TYR: variants seen among roughly 807,000 people sequenced by gnomAD.
The protein encoded by TYR is LB24-AB.
In TYR, 58 loss-of-function variants were observed where a neutral mutation model predicts 51.5. The observed-to-expected ratio is 1.13, with a 90% CI of 0.91 to 1.40. TYR has a LOEUF of 1.40. TYR is among the 40% of genes most tolerant of loss of function. The probability of loss-of-function intolerance (pLI) is 0.00; values close to 1 mark genes in which losing one functional copy is unlikely to be tolerated. For missense variants in TYR, 732 were observed against 647.4 expected (o/e 1.13, Z -1.42); for synonymous variants, 263 against 235.2 (o/e 1.12, Z -1.08).
intron 2 of TYR, chr11:89,191,873 G>A (rs761720675): frequency 2.9e-5 from 9 of 307,108 alleles, no homozygotes; most frequent in Non-Finnish European, 5.6e-5. Flanking sequence ...GGTGAGTAAA[G>A]TCAGTTTTTT....
intron 3 of TYR, among the ~76,000 whole-genome samples, chr11:89,232,944 G>A (rs998991826): frequency 7.0e-6 from 1 of 142,832 alleles, no homozygotes. Flanking sequence ...GAAAGCTGGG[G>A]TGGCTGGAGC....
chr11:89,269,514 A>C (rs928300796), intron 3 of TYR, among the ~76,000 whole-genome samples: 2 of 151,914 alleles, frequency 1.3e-5, no homozygotes, highest in Admixed American at 6.6e-5. Flanking sequence ...TCTTTCTTAA[A>C]CTTTTAATTA....
At chr11:89,189,044 T>G (rs183699376) in intron 1 of TYR, among the ~76,000 whole-genome samples, 41 of 152,220 alleles carry the variant, frequency 2.7e-4, no homozygotes, top group African/African-American at 9.9e-4. Flanking sequence ...GATACAGGAC[T>G]AGAACTCTCT....
chr11:89,227,187 G>T (rs1943987291), intron 2 of TYR, among the ~76,000 whole-genome samples: 1 of 152,038 alleles, frequency 6.6e-6, no homozygotes, highest in African/African-American at 2.4e-5. Flanking sequence ...TCAACATTTA[G>T]AAAATAATTG....
At chr11:89,191,961 T>A in intron 2 of TYR, 1 of 429,502 alleles carries the variant, frequency 2.3e-6, no homozygotes, top group Non-Finnish European at 4.6e-6. Context: ...TGTGGACTGA[T>A]ACTATTTTCC....
chr11:89,246,379 A>G (rs1238590004), intron 3 of TYR, among the ~76,000 whole-genome samples: 2 of 152,220 alleles, frequency 1.3e-5, no homozygotes, highest in Non-Finnish European at 2.9e-5. Flanking sequence ...ACCTGAGTTC[A>G]TACTTTATAA....
At chr11:89,242,820 T>C (rs367816627) in intron 3 of TYR, among the ~76,000 whole-genome samples, 23 of 152,296 alleles carry the variant, frequency 1.5e-4, no homozygotes, top group Middle Eastern at 3.4e-3. Context: ...ACTCAGAAGT[T>C]ATAGAAATCA....
intron 2 of TYR, among the ~76,000 whole-genome samples, chr11:89,207,407 C>A (rs1654266739): frequency 6.6e-6 from 1 of 152,010 alleles, no homozygotes; most frequent in African/African-American, 2.4e-5. Context: ...GCAAACTATA[C>A]CACTCACCCA....
chr11:89,241,828 C>T (rs1187875985), intron 3 of TYR, among the ~76,000 whole-genome samples: 1 of 146,984 alleles, frequency 6.8e-6, no homozygotes, highest in Non-Finnish European at 1.5e-5. Context: ...ATATACTATA[C>T]ATATATATAT....
At chr11:89,232,247 A>C (rs1438391866) in intron 3 of TYR, among the ~76,000 whole-genome samples, 1 of 143,410 alleles carries the variant, frequency 7.0e-6, no homozygotes, top group African/African-American at 2.8e-5. Flanking sequence ...ATCTCAATAG[A>C]GACACAAAGT....
intron 2 of TYR, among the ~76,000 whole-genome samples, chr11:89,209,012 C>T (rs1167859628): frequency 6.6e-6 from 1 of 152,144 alleles, no homozygotes; most frequent in African/African-American, 2.4e-5. Context: ...CTACATCTCC[C>T]AGGGAGATCA....
chr11:89,258,658 AT>A (rs1565415260), intron 3 of TYR, among the ~76,000 whole-genome samples: 1 of 152,126 alleles, frequency 6.6e-6, no homozygotes, highest in African/African-American at 2.4e-5. Flanking sequence ...TATTGGGTGA[AT>A]TTAAGAAAAA....
intron 1 of TYR, among the ~76,000 whole-genome samples, chr11:89,182,131 G>GTT (rs1943308282): frequency 6.6e-6 from 1 of 152,104 alleles, no homozygotes; most frequent in South Asian, 2.1e-4. Flanking sequence ...ACATGTAGTG[G>GTT]TTTTCCAGCC....
chr11:89,212,100 A>C (rs1401695294), intron 2 of TYR, among the ~76,000 whole-genome samples: 1 of 152,236 alleles, frequency 6.6e-6, no homozygotes. Context: ...ATCAGAGCAG[A>C]AATGAAGGAG....
At chr11:89,185,742 A>T (rs1943363400) in intron 1 of TYR, among the ~76,000 whole-genome samples, 1 of 152,030 alleles carries the variant, frequency 6.6e-6, no homozygotes, top group African/African-American at 2.4e-5. Flanking sequence ...ATCTCTCACT[A>T]CCTAATTACT....
intron 2 of TYR, among the ~76,000 whole-genome samples, chr11:89,212,449 C>T (rs992981188): frequency 1.3e-5 from 2 of 152,074 alleles, no homozygotes; most frequent in Admixed American, 1.3e-4. Context: ...TAATTAATAG[C>T]CTACCAACTA....
At chr11:89,196,492 CTGCCTATAGTAGG>C (rs1180322048) in intron 2 of TYR, among the ~76,000 whole-genome samples, 3 of 152,126 alleles carry the variant, frequency 2.0e-5, no homozygotes, top group Non-Finnish European at 4.4e-5. Flanking sequence ...AGCACAGTGG[CTGCCTATAGTAGG>C]TGCTCATTAA....
At chr11:89,193,197 C>T (rs781285320) in intron 2 of TYR, among the ~76,000 whole-genome samples, 1 of 152,144 alleles carries the variant, frequency 6.6e-6, no homozygotes, top group Non-Finnish European at 1.5e-5. Context: ...AGCGAAGCTA[C>T]ATCTTTAAGG....
At chr11:89,265,585 T>C (rs1384093065) in intron 3 of TYR, among the ~76,000 whole-genome samples, 2 of 151,944 alleles carry the variant, frequency 1.3e-5, no homozygotes, top group African/African-American at 4.8e-5. Flanking sequence ...TATTCTGGAG[T>C]CTTCTTGAGA....
Sources: gnomAD v4.1 joint callset for allele counts (sites outside exome capture counted in the v4.1 genomes callset) on GRCh38, gnomAD v4.1.1 for gene constraint, MANE v1.5 for transcripts, NCBI Gene and HGNC (gene_info 2026-07-23, HGNC 2026-07-21) for gene names.